Variants in DPY19L4 observed in about 807,000 individuals in gnomAD.
The protein encoded by DPY19L4 is dpy-19 like 4.
A neutral mutation model predicts 102.8 loss-of-function variants in DPY19L4; 97 were observed. The ratio of observed to expected loss-of-function variants is 0.94; its 90% CI spans 0.80 to 1.12. The LOEUF (loss-of-function observed/expected upper bound fraction) is 1.12. Among genes scored for constraint, DPY19L4 ranks in the 50% most tolerant of loss-of-function variants. The pLI, the probability that DPY19L4 is intolerant of heterozygous loss-of-function variation, is 0.00. For missense variants in DPY19L4, 815 were observed against 850.4 expected (o/e 0.96, Z 0.52); for synonymous variants, 252 against 283.1 (o/e 0.89, Z 1.10).
At chr8:94,721,235 G>A (rs534417029) in intron 1 of DPY19L4, among the ~76,000 whole-genome samples, 4 of 152,108 alleles carry the variant, frequency 2.6e-5, no homozygotes, top group African/African-American at 9.7e-5. Flanking sequence ...CGTGAGCCAC[G>A]GGTCCAGCCG....
At chr8:94,743,360 A>G (rs1811529687) in intron 6 of DPY19L4, among the ~76,000 whole-genome samples, 1 of 151,826 alleles carries the variant, frequency 6.6e-6, no homozygotes, top group African/African-American at 2.4e-5. Context: ...AAGTGGGGTC[A>G]GGTGTAGTGG....
intron 12 of DPY19L4, among the ~76,000 whole-genome samples, chr8:94,770,181 C>T (rs1192371752): frequency 6.6e-6 from 1 of 152,144 alleles, no homozygotes. Flanking sequence ...GTCACTGCCC[C>T]TAACCCTTTT....
chr8:94,788,637 ACGCACG>A (rs777257865), intron 18 of DPY19L4, among the ~76,000 whole-genome samples: 3,033 of 84,902 alleles, frequency 0.036, 74 homozygotes, highest in Admixed American at 0.14. Flanking sequence ...CCTAAGACTG[ACGCACG>A]CGCGCGCGCA....
chr8:94,764,689 G>GTGTATATATA (rs1415377058), intron 8 of DPY19L4, among the ~76,000 whole-genome samples: 2 of 43,206 alleles, frequency 4.6e-5, no homozygotes, highest in Non-Finnish European at 3.7e-5. Flanking sequence ...GTCTGTGTGT[G>GTGTATATATA]TATATATATA....
chr8:94,731,774 C>T (rs1371301449), intron 2 of DPY19L4, among the ~76,000 whole-genome samples: 4 of 151,170 alleles, frequency 2.6e-5, no homozygotes, highest in African/African-American at 7.3e-5. Context: ...TGTTTTGAGA[C>T]GGAGTCTCGC....
chr8:94,756,084 G>A lies in DPY19L4; in HGVS notation c.660G>A (p.Trp220Ter). The change falls in exon 7 of 19, where the codon TGG (tryptophan) becomes TGA (stop). Residue 220 changes from tryptophan to a stop codon, truncating the protein, a stop_gained. Coordinates refer to ENST00000414645, the MANE Select transcript of DPY19L4 (RefSeq NM_181787.3). LOFTEE classifies it high-confidence loss of function. ...ACTCCATTCCTTTAAGAGAAAACTGGGCACTACCATATTTTGCATGCCAAA... is the reference window on the plus strand; with the variant it reads ...ACTCCATTCCTTTAAGAGAAAACTGAGCACTACCATATTTTGCATGCCAAA... ...IEYSIPLREN[W>*]ALPYFACQIA... is the part of the protein sequence containing the mutation. The A allele has an allele frequency of 6.2e-7, 1 of 1,613,480 alleles. No individual in the cohort carries two copies. Among genetic ancestry groups the A allele is most frequent in the Non-Finnish European group, 8.5e-7 (1 of 1,179,904 alleles).
In DPY19L4 at chr8:94,768,510, A is replaced by G. The variant is rs141669572; in HGVS notation, c.1291A>G (p.Ile431Val). The G allele has an allele frequency of 9.6e-5, 151 of 1,575,244 alleles. 1 individual carries two copies. In the East Asian group the frequency reaches 3.0e-3, roughly 32 times the overall value. Residue 431 changes from isoleucine to valine, a missense_variant, in exon 12 of 19, where the codon ATT becomes GTT. Ile to Val is a conservative substitution (Grantham distance 29, BLOSUM62 3). Coordinates refer to ENST00000414645, the MANE Select transcript of DPY19L4 (RefSeq NM_181787.3). Reference sequence around the variant, plus strand: ...ACCTTTCTACATTCTAGTGTTAATTATTTGTTTTCTTTCTATGTTGCAAGT... The same window carrying G: ...ACCTTTCTACATTCTAGTGTTAATTGTTTGTTTTCTTTCTATGTTGCAAGT... ...LLPFYILVLI[I>V]CFLSMLQVIF...
At chr8:94,723,578 T>C (rs1419863115) in intron 1 of DPY19L4, among the ~76,000 whole-genome samples, 1 of 152,248 alleles carries the variant, frequency 6.6e-6, no homozygotes, top group Non-Finnish European at 1.5e-5. Flanking sequence ...TTTGCTTTTT[T>C]TCCACCTAGA....
chr8:94,753,779 G>A (rs1812045979), intron 6 of DPY19L4, among the ~76,000 whole-genome samples: 2 of 152,182 alleles, frequency 1.3e-5, no homozygotes, highest in Non-Finnish European at 2.9e-5. Context: ...GGCTGAGGCA[G>A]GAGAATCGCT....
chr8:94,720,569 G>A (rs1276307897), intron 1 of DPY19L4, among the ~76,000 whole-genome samples: 1 of 152,182 alleles, frequency 6.6e-6, no homozygotes, highest in Non-Finnish European at 1.5e-5. Context: ...AAATGGTAAA[G>A]AGCAGAGCCA....
At chr8:94,730,080 T>A (rs918653651) in intron 2 of DPY19L4, among the ~76,000 whole-genome samples, 2 of 152,064 alleles carry the variant, frequency 1.3e-5, no homozygotes, top group African/African-American at 4.8e-5. Flanking sequence ...GTTTTTTTTT[T>A]CACTTTTTGT....
chr8:94,776,323 G>T (rs538668043), intron 13 of DPY19L4, among the ~76,000 whole-genome samples: 1 of 151,432 alleles, frequency 6.6e-6, no homozygotes, highest in Non-Finnish European at 1.5e-5. Context: ...GAGAGCCACC[G>T]CACATGGCCA....
chr8:94,775,693 A>G (rs1813145990), intron 13 of DPY19L4, among the ~76,000 whole-genome samples: 1 of 152,048 alleles, frequency 6.6e-6, no homozygotes, highest in Non-Finnish European at 1.5e-5. Context: ...TAACATTTAT[A>G]CTCTAGGCCC....
intron 17 of DPY19L4, among the ~76,000 whole-genome samples, chr8:94,784,534 T>C (rs1169263779): frequency 6.6e-6 from 1 of 152,196 alleles, no homozygotes; most frequent in Non-Finnish European, 1.5e-5. Flanking sequence ...GTTCAAGTGA[T>C]TCTTCTGCCT....
intron 8 of DPY19L4, among the ~76,000 whole-genome samples, chr8:94,763,936 C>A (rs192769130): frequency 6.6e-6 from 1 of 152,082 alleles, no homozygotes; most frequent in African/African-American, 2.4e-5. Context: ...TGCCTCCCAG[C>A]GTGCTGGGAT....
At chr8:94,729,105 T>C (rs1810819013) in intron 2 of DPY19L4, among the ~76,000 whole-genome samples, 1 of 152,068 alleles carries the variant, frequency 6.6e-6, no homozygotes, top group African/African-American at 2.4e-5. Context: ...GCACGGTGGC[T>C]TAAGCCTGTA....
intron 2 of DPY19L4, 69 bp downstream of exon 2, chr8:94,726,510 C>A (rs1810696526): frequency 8.0e-7 from 1 of 1,256,802 alleles, no homozygotes; most frequent in Non-Finnish European, 1.1e-6. Context: ...TATTTTATGT[C>A]AATATTTTAA....
rs1275002249 is a variant in DPY19L4 at position 94,765,182 on chromosome 8, G to A, written c.871-1G>A. ...CACTTATTTTATTTTTGTCACAACA[G>A]GTTTATGAAGTTTATAAAATCTACA... On this transcript the variant is annotated splice_acceptor_variant, in intron 8 of 18. Transcript: ENST00000414645. LOFTEE classifies it high-confidence loss of function. The A allele has an allele frequency of 6.8e-7, 1 of 1,469,924 alleles. No individual in the cohort carries two copies. The highest frequency in any genetic ancestry group is 9.3e-7 in the Non-Finnish European group (1 of 1,071,408). 91.1% of individuals were successfully genotyped at this position (1,469,924 alleles called of 1,614,324 possible). A position where few individuals can be genotyped will look rare whatever the true frequency, so the allele number is the denominator to read the frequency against.
Position 94,756,166 on chromosome 8 carries a change from T to C in DPY19L4, c.735+7T>C, listed in dbSNP as rs1350980866. 1 of 1,610,208 alleles carries C rather than the reference T, an allele frequency of 6.2e-7. No homozygotes were observed. Among genetic ancestry groups the C allele is most frequent in the South Asian group, 1.1e-5 (1 of 89,824 alleles). On this transcript the variant is annotated splice_region_variant and intron_variant, in intron 7 of 18. Coordinates refer to ENST00000414645, the MANE Select transcript of DPY19L4 (RefSeq NM_181787.3). ...CTTAAATACTTATGGAGAGGTAAGATACAAATCTGTTTTATCTGTTGCAGC... is the reference window on the plus strand; with the variant it reads ...CTTAAATACTTATGGAGAGGTAAGACACAAATCTGTTTTATCTGTTGCAGC...
Sources: allele counts gnomAD v4.1 joint callset (sites outside exome capture counted in the v4.1 genomes callset), GRCh38; gene constraint gnomAD v4.1.1; transcripts MANE v1.5; gene names NCBI Gene and HGNC (gene_info 2026-07-23, HGNC 2026-07-21).